Variants in NDUFS7 observed in about 807,000 individuals in gnomAD.
NDUFS7 encodes the protein NADH dehydrogenase [ubiquinone] iron-sulfur protein 7, mitochondrial.
Under a neutral mutation model 31.1 loss-of-function variants are expected in NDUFS7, and 11 were observed. The ratio of observed to expected loss-of-function variants is 0.35; its 90% CI spans 0.22 to 0.59. The LOEUF is 0.59. Among genes scored for constraint, NDUFS7 ranks in the 20% least tolerant of loss-of-function variants. NDUFS7 has a pLI of 0.79. For missense variants in NDUFS7, 263 were observed against 324.2 expected (o/e 0.81, Z 1.45); for synonymous variants, 136 against 127.9 (o/e 1.06, Z -0.43).
Position 1,393,140 on chromosome 19 carries a change from T to A in NDUFS7, c.456-102T>A, listed in dbSNP as rs2082568552. 2 of 880,136 alleles carry A rather than the reference T, an allele frequency of 2.3e-6. No homozygotes were observed. The highest frequency in any genetic ancestry group is 1.8e-6 in the Non-Finnish European group (1 of 559,818). 54.5% of individuals were successfully genotyped at this position (880,136 alleles called of 1,614,324 possible). Reference sequence around the variant, plus strand: ...GACAAGTTCCAGCCTCGTAGGTGCCTGGCCTGCAGTTGAAGGCGGGTGGGG... The same window carrying A: ...GACAAGTTCCAGCCTCGTAGGTGCCAGGCCTGCAGTTGAAGGCGGGTGGGG... On this transcript the variant is annotated intron_variant, in intron 6 of 7. Transcript: ENST00000233627. This position sits in a 1 kb window ranked among gnomAD's most constrained non-coding sequence, Gnocchi z 7.3.
At chr19:1,385,153 A>G (rs1600144052) in intron 1 of NDUFS7, among the ~76,000 whole-genome samples, 1 of 152,360 alleles carries the variant, frequency 6.6e-6, no homozygotes, top group East Asian at 1.9e-4. Context: ...TGCTGGTGAC[A>G]ACAAAGACAT....
intron 1 of NDUFS7, 131 bp from the exon 2 acceptor site, chr19:1,387,680 T>G: frequency 2.6e-6 from 2 of 770,864 alleles, no homozygotes; most frequent in South Asian, 1.4e-5. Context: ...TTACCTAACG[T>G]TTGTTAAGTG....
At chr19:1,394,597 C>T (rs2082582035) in intron 7 of NDUFS7, 1 of 1,213,850 alleles carries the variant, frequency 8.2e-7, no homozygotes, top group African/African-American at 1.6e-5. Context: ...TCGGCCCTCC[C>T]TGGGGACCGC....
intron 1 of NDUFS7, chr19:1,387,050 C>T (rs190988626): frequency 1.3e-5 from 2 of 152,688 alleles, no homozygotes; most frequent in African/African-American, 2.4e-5. Context: ...CAGGAGACTT[C>T]GTGCAGGCGC....
chr19:1,387,596 G>A lies in NDUFS7; in HGVS notation c.17-215G>A, dbSNP rs563409668. 4.3e-4 allele frequency: 261 copies of A among 603,306 alleles called. 3 individuals carry two copies. The South Asian group carries it at 4.7e-3, about 11-fold the overall frequency. The allele number at this position is 603,306 out of a possible 1,614,324, so 37.4% of individuals were successfully genotyped here. On this transcript the variant is annotated intron_variant, in intron 1 of 7. Transcript: ENST00000233627. ...CGCCAGGGCGGGGAGACGGGGCAGC[G>A]TTTGGGTTCCTTCCGGGGCCATGCA...
At chr19:1,384,196 C>G in intron 1 of NDUFS7, 1 of 506,740 alleles carries the variant, frequency 2.0e-6, no homozygotes, top group Non-Finnish European at 3.4e-6. Context: ...GGAAGGCGCT[C>G]GGGGTGGAGG....
At chr19:1,390,722 G>A in intron 4 of NDUFS7, 149 bp from the exon 5 acceptor site, 1 of 807,622 alleles carries the variant, frequency 1.2e-6, no homozygotes, top group Non-Finnish European at 2.0e-6. Context: ...GGGGCCCGGA[G>A]GCCACCTGCA....
At chr19:1,387,378 G>C (rs1568986012) in intron 1 of NDUFS7, among the ~76,000 whole-genome samples, 2 of 152,254 alleles carry the variant, frequency 1.3e-5, no homozygotes, top group Admixed American at 1.3e-4. Context: ...TGGGGTCCTG[G>C]TGTAGGCGGG....
chr19:1,384,131 A>T lies in NDUFS7; in HGVS notation c.16+189A>T, dbSNP rs2082492252. Reference sequence around the variant, plus strand: ...GAACGGTCGCCGTTATTGCGTCCAGAGTACAGTCGGGGAAACCGAGGCCCG... The same window carrying T: ...GAACGGTCGCCGTTATTGCGTCCAGTGTACAGTCGGGGAAACCGAGGCCCG... On this transcript the variant is annotated intron_variant, in intron 1 of 7. Coordinates refer to ENST00000233627, the MANE Select transcript of NDUFS7 (RefSeq NM_024407.5). 6 of 638,036 alleles carry T rather than the reference A, an allele frequency of 9.4e-6. No homozygotes were observed. The South Asian group carries it at 1.2e-4, about 12-fold the overall frequency. 39.5% of individuals were successfully genotyped at this position (638,036 alleles called of 1,614,324 possible).
chr19:1,388,657 C>T (rs1344253338), intron 3 of NDUFS7, 64 bp downstream of exon 3: 2 of 1,545,812 alleles, frequency 1.3e-6, no homozygotes, highest in East Asian at 2.3e-5. Context: ...TCCTTATTTT[C>T]TGCATCAGTG....
Position 1,395,029 on chromosome 19 carries a change from C to T in NDUFS7, c.545-362C>T, listed in dbSNP as rs115766881. On this transcript the variant is annotated intron_variant, in intron 7 of 7. Transcript: ENST00000233627. ...CCTCCATCTCCGTCCAGGGCAGCCCCGGGCCCTGCTCCCCACTGCTAAGTG... is the reference window on the plus strand; with the variant it reads ...CCTCCATCTCCGTCCAGGGCAGCCCTGGGCCCTGCTCCCCACTGCTAAGTG... The T allele has an allele frequency of 2.0e-3, 2,355 of 1,172,306 alleles. 43 individuals are homozygous for T. The African/African-American group carries it at 0.034, about 17-fold the overall frequency. The allele number at this position is 1,172,306 out of a possible 1,614,324, so 72.6% of individuals were successfully genotyped here. A position where few individuals can be genotyped will look rare whatever the true frequency, so the allele number is the denominator to read the frequency against.
At chr19:1,384,023 G>T (rs1356320015) in intron 1 of NDUFS7, 81 bp downstream of exon 1, 1 of 1,447,756 alleles carries the variant, frequency 6.9e-7, no homozygotes, top group South Asian at 1.3e-5. Flanking sequence ...TGGCGTCGGG[G>T]GTCGGTGCCG....
At chr19:1,387,736 A>T in intron 1 of NDUFS7, 75 bp from the exon 2 acceptor site, 1 of 1,382,196 alleles carries the variant, frequency 7.2e-7, no homozygotes, top group Admixed American at 1.7e-5. Flanking sequence ...CAGGAGCCTG[A>T]TGGGGAAGCG....
chr19:1,388,932 C>T lies in NDUFS7; in HGVS notation c.222C>T (p.Ala74=), dbSNP rs1430726878. Residue 74 remains alanine, a synonymous_variant, in exon 4 of 8, where the codon GCC becomes GCT. Transcript: ENST00000233627. Reference sequence around the variant, plus strand: ...AGCTGGATGACCTCGTCAACTGGGCCCGCCGGGTGAGTACTATGAGCTGTA... The same window carrying T: ...AGCTGGATGACCTCGTCAACTGGGCTCGCCGGGTGAGTACTATGAGCTGTA... The part of the protein sequence containing the change: ...VAKLDDLVNW[A]RRSSLWPMTF... The T allele has an allele frequency of 6.2e-7, 1 of 1,605,260 alleles. No individual in the cohort carries two copies. Among genetic ancestry groups the T allele is most frequent in the East Asian group, 2.2e-5 (1 of 44,598 alleles).
At position 1,394,623 on chromosome 19, in the gene NDUFS7, CGGACCGCGCTCCTCCCTCCCTGG is replaced by C. The variant is rs1425651028; in HGVS notation, c.545-762_545-740del. ...TGGGGACCGCGCCCCTCCCTCCCAG[CGGACCGCGCTCCTCCCTCCCTGG>C]GGACCTCGCTCCTCCCTCCCTCCCT... On this transcript the variant is annotated intron_variant, in intron 7 of 7. Transcript: ENST00000233627. 1.1e-5 allele frequency: 14 copies of C among 1,217,662 alleles called. No homozygotes were observed. The East Asian group carries it at 3.9e-4, about 34-fold the overall frequency. 75.4% of individuals were successfully genotyped at this position (1,217,662 alleles called of 1,614,324 possible).
chr19:1,391,177 GC>G lies in NDUFS7; in HGVS notation c.455+13del. ...GTCTCCATGGGGAGGTGAGTGCAGG[GC>G]GGGGGGTCTCCAGGGACAGACGTAG... On this transcript the variant is annotated intron_variant, in intron 6 of 7. Coordinates refer to ENST00000233627, the MANE Select transcript of NDUFS7 (RefSeq NM_024407.5). The G allele has an allele frequency of 6.2e-7, 1 of 1,611,276 alleles. No individual in the cohort carries two copies. Among genetic ancestry groups the G allele is most frequent in the Non-Finnish European group, 8.5e-7 (1 of 1,179,244 alleles).
In NDUFS7 at chr19:1,393,121, T is replaced by G; in HGVS notation, c.456-121T>G. ...TTGCTCATTGCTTCTCCGTGACAAGTTCCAGCCTCGTAGGTGCCTGGCCTG... is the reference window on the plus strand; with the variant it reads ...TTGCTCATTGCTTCTCCGTGACAAGGTCCAGCCTCGTAGGTGCCTGGCCTG... On this transcript the variant is annotated intron_variant, in intron 6 of 7. Transcript: ENST00000233627. This position sits in a 1 kb window ranked among gnomAD's most constrained non-coding sequence, Gnocchi z 7.3. The G allele has an allele frequency of 1.3e-6, 1 of 770,732 alleles. No individual in the cohort carries two copies. Among genetic ancestry groups the G allele is most frequent in the Non-Finnish European group, 2.2e-6 (1 of 456,186 alleles). 47.7% of individuals were successfully genotyped at this position (770,732 alleles called of 1,614,324 possible). A position where few individuals can be genotyped will look rare whatever the true frequency, so the allele number is the denominator to read the frequency against.
chr19:1,389,244 C>A, intron 4 of NDUFS7: 1 of 658,412 alleles, frequency 1.5e-6, no homozygotes, highest in Non-Finnish European at 2.8e-6. Context: ...CACTCATGCA[C>A]ACTCATGCGC....
intron 4 of NDUFS7, 74 bp downstream of exon 4, chr19:1,389,012 A>C: frequency 1.6e-6 from 2 of 1,246,534 alleles, no homozygotes; most frequent in Non-Finnish European, 2.3e-6. Flanking sequence ...ACACATACAC[A>C]CACCAACGTG....
Sources: allele counts gnomAD v4.1 joint callset (sites outside exome capture counted in the v4.1 genomes callset), GRCh38; gene constraint gnomAD v4.1.1; non-coding constraint Gnocchi (gnomAD v3.1); transcripts MANE v1.5; gene names NCBI Gene and HGNC (gene_info 2026-07-23, HGNC 2026-07-21).